The following MTA3 variants were observed in gnomAD, a reference collection of about 807,000 sequenced individuals.
MTA3 encodes the protein metastasis-associated protein MTA3.
MTA3 carries 34 observed loss-of-function variants against 83.5 expected under a neutral mutation model. That is an observed-to-expected ratio of 0.41 (90% confidence interval 0.31 to 0.54). MTA3 has a LOEUF of 0.54. Ranked by LOEUF, MTA3 falls within the 20% of genes least tolerant of loss-of-function variation. The pLI, the probability that MTA3 is intolerant of heterozygous loss-of-function variation, is 0.33. For missense variants in MTA3, 761 were observed against 726.4 expected (o/e 1.05, Z -0.55); for synonymous variants, 303 against 252.7 (o/e 1.20, Z -1.89).
chr2:42,595,200 C>T (rs561142746), intron 3 of MTA3, among the ~76,000 whole-genome samples: 1 of 148,248 alleles, frequency 6.7e-6, no homozygotes, highest in Non-Finnish European at 1.5e-5. Context: ...AGCTCCACTT[C>T]CCAGGTTCAC....
At chr2:42,714,817 C>T (rs956155115) in intron 14 of MTA3, among the ~76,000 whole-genome samples, 4 of 152,180 alleles carry the variant, frequency 2.6e-5, no homozygotes, top group Non-Finnish European at 5.9e-5. Context: ...CTAGATCCCT[C>T]GCATAGCGGT....
At chr2:42,586,063 C>G (rs1165344767) in intron 3 of MTA3, among the ~76,000 whole-genome samples, 1 of 151,872 alleles carries the variant, frequency 6.6e-6, no homozygotes, top group Non-Finnish European at 1.5e-5. Context: ...GTGGATGGAT[C>G]ACTGGAGGTC....
At chr2:42,713,738 G>T (rs1312552185) in intron 14 of MTA3, among the ~76,000 whole-genome samples, 1 of 152,030 alleles carries the variant, frequency 6.6e-6, no homozygotes, top group African/African-American at 2.4e-5. Flanking sequence ...TTAACATACC[G>T]TGCCACTGTA....
intron 16 of MTA3, among the ~76,000 whole-genome samples, chr2:42,746,752 A>T (rs76037455): frequency 6.6e-6 from 1 of 152,242 alleles, no homozygotes; most frequent in Admixed American, 6.5e-5. Context: ...GCAGAGATGC[A>T]TAGGGCGAGG....
intron 14 of MTA3, among the ~76,000 whole-genome samples, chr2:42,716,445 C>T (rs1667036470): frequency 6.6e-6 from 1 of 152,042 alleles, no homozygotes; most frequent in South Asian, 2.1e-4. Context: ...AAGCCTAGTA[C>T]CCATTAGTTA....
intron 15 of MTA3, among the ~76,000 whole-genome samples, chr2:42,719,364 A>T (rs1667248067): frequency 6.6e-6 from 1 of 152,204 alleles, no homozygotes; most frequent in Non-Finnish European, 1.5e-5. Context: ...CAAAAAAGAA[A>T]ATGAAAAGCA....
chr2:42,617,388 T>C (rs765665377), intron 4 of MTA3, among the ~76,000 whole-genome samples: 1 of 152,202 alleles, frequency 6.6e-6, no homozygotes, highest in Non-Finnish European at 1.5e-5. Flanking sequence ...GTTTTCTTGC[T>C]AGGAAACAAT....
intron 3 of MTA3, among the ~76,000 whole-genome samples, chr2:42,604,516 C>T (rs545573945): frequency 6.7e-4 from 101 of 150,910 alleles, no homozygotes; most frequent in African/African-American, 2.3e-3. Context: ...ATCCTTGCTG[C>T]TGCTGAATTT....
rs570387082 is a variant in MTA3, at chr2:42,756,093, C to A, written c.*2694C>A. 5.1e-4 allele frequency: 464 copies of A among 916,834 alleles called. No homozygotes were observed. The highest frequency in any genetic ancestry group is 5.8e-4 in the Non-Finnish European group (446 of 767,424). The allele number at this position is 916,834 out of a possible 1,614,324, so 56.8% of individuals were successfully genotyped here. A position where few individuals can be genotyped will look rare whatever the true frequency, so the allele number is the denominator to read the frequency against. ...ACACAAAACAAGAAAAGCTGAGAGG[C>A]AAAACAGGGGAGTGAGGGGCAACCC... On this transcript the variant is annotated 3_prime_UTR_variant, in exon 17 of 17. Transcript: ENST00000405094.
At chr2:42,568,631 C>A (rs1461578531), upstream of MTA3, 8 of 590,650 alleles carry the variant, frequency 1.4e-5, no homozygotes, top group Admixed American at 4.9e-5. Context: ...CCTTCCCCCC[C>A]GTGGCGAGGC....
At chr2:42,601,356 G>C (rs896482398) in intron 3 of MTA3, among the ~76,000 whole-genome samples, 1 of 152,170 alleles carries the variant, frequency 6.6e-6, no homozygotes, top group African/African-American at 2.4e-5. Flanking sequence ...CTCTTACAGA[G>C]GCAAGACCTT....
At chr2:42,533,045 G>A in intron 2 of MTA3, 1 of 182,184 alleles carries the variant, frequency 5.5e-6, no homozygotes, top group East Asian at 1.5e-4. Context: ...TGGCATTGCA[G>A]ACTTCCACTT....
At chr2:42,627,725 A>ATTTTTTTTTTTTTTTTTTT (rs869227831) in intron 4 of MTA3, among the ~76,000 whole-genome samples, 3 of 103,384 alleles carry the variant, frequency 2.9e-5, no homozygotes, top group Non-Finnish European at 5.4e-5. Context: ...GCCTGGCTAA[A>ATTTTTTTTTTTTTTTTTTT]TTTTTTTTTT....
At chr2:42,706,195 C>T (rs1401175028) in intron 12 of MTA3, among the ~76,000 whole-genome samples, 1 of 152,076 alleles carries the variant, frequency 6.6e-6, no homozygotes, top group Non-Finnish European at 1.5e-5. Context: ...TTAATGGGTG[C>T]AGCACCCCAG....
At position 42,753,688 on chromosome 2, in the gene MTA3, C is replaced by T; in HGVS notation, c.*289C>T. ...GGCTGAGGGAACCCCTCCACCTCCTCCCTTCTGCAGCGCCCTGCGCCCCAC... is the reference window on the plus strand; with the variant it reads ...GGCTGAGGGAACCCCTCCACCTCCTTCCTTCTGCAGCGCCCTGCGCCCCAC... On this transcript the variant is annotated 3_prime_UTR_variant, in exon 17 of 17. Transcript: ENST00000405094. 1 of 1,271,572 alleles carries T rather than the reference C, an allele frequency of 7.9e-7. No individual in the cohort carries two copies. Among genetic ancestry groups the T allele is most frequent in the Non-Finnish European group, 1.0e-6 (1 of 999,138 alleles). The allele number at this position is 1,271,572 out of a possible 1,614,324, so 78.8% of individuals were successfully genotyped here.
At chr2:42,496,608 G>T in intron 2 of MTA3, among the ~76,000 whole-genome samples, 1 of 122,042 alleles carries the variant, frequency 8.2e-6, no homozygotes, top group Admixed American at 8.4e-5. Flanking sequence ...CAGAACCTAG[G>T]AAAAAAAAAA....
At chr2:42,548,117 C>G (rs1411637687) in intron 2 of MTA3, among the ~76,000 whole-genome samples, 2 of 152,178 alleles carry the variant, frequency 1.3e-5, no homozygotes, top group African/African-American at 4.8e-5. Context: ...TTACAATCAT[C>G]CCCTCTTATC....
intron 11 of MTA3, among the ~76,000 whole-genome samples, chr2:42,698,681 T>G (rs1390858499): frequency 3.3e-5 from 5 of 152,206 alleles, no homozygotes; most frequent in Admixed American, 3.3e-4. Context: ...TACAGTTGTT[T>G]AATAACTAGC....
At chr2:42,559,179 CAT>C (rs1298011534) in intron 2 of MTA3, among the ~76,000 whole-genome samples, 2 of 152,188 alleles carry the variant, frequency 1.3e-5, no homozygotes, top group African/African-American at 2.4e-5. Context: ...TTTCCAAACA[CAT>C]GTCTATAAGC....
Sources: gnomAD v4.1 joint callset for allele counts (sites outside exome capture counted in the v4.1 genomes callset) on GRCh38, gnomAD v4.1.1 for gene constraint, MANE v1.5 for transcripts, NCBI Gene and HGNC (gene_info 2026-07-23, HGNC 2026-07-21) for gene names.